MACROD2: variants seen among roughly 807,000 people sequenced by gnomAD.
MACROD2 encodes ADP-ribose glycohydrolase MACROD2.
A neutral mutation model predicts 70.4 loss-of-function variants in MACROD2; 36 were observed. That is an observed-to-expected ratio of 0.51 (90% CI 0.39 to 0.68). The LOEUF (loss-of-function observed/expected upper bound fraction) is 0.68, where lower values mean the gene tolerates loss of function less well. Ranked by LOEUF, MACROD2 falls within the 30% of genes least tolerant of loss-of-function variation. The probability of loss-of-function intolerance (pLI) is 0.00; values close to 1 mark genes in which losing one functional copy is unlikely to be tolerated. For synonymous variants in MACROD2, 172 were observed against 178.8 expected, an observed-to-expected ratio of 0.96 and a Z score of 0.30; for missense variants, 496 against 538.4, an observed-to-expected ratio of 0.92 and a Z score of 0.78.
chr20:14,423,832 G>A lies in MACROD2; in HGVS notation c.272-69647G>A, dbSNP rs186797854. Among the ~76,000 whole-genome samples, 225 of 139,528 alleles carry A rather than the reference G, an allele frequency of 1.6e-3. 2 individuals carry two copies. Among genetic ancestry groups the A allele is most frequent in the African/African-American group, 6.0e-3 (222 of 37,108 alleles). 91.5% of individuals were successfully genotyped at this position (139,528 alleles called of 152,430 possible). On this transcript the variant is annotated intron_variant, in intron 3 of 17. Coordinates refer to ENST00000684519, the MANE Select transcript of MACROD2 (RefSeq NM_001351661.2). ...GGCTGGAGTGCAATGGCGGGATCTCGGCTCACCGCAACCTTCGCCTCCTGG... is the reference window on the plus strand; with the variant it reads ...GGCTGGAGTGCAATGGCGGGATCTCAGCTCACCGCAACCTTCGCCTCCTGG...
At chr20:14,266,585 G>A (rs1357150203) in intron 3 of MACROD2, among the ~76,000 whole-genome samples, 2 of 151,884 alleles carry the variant, frequency 1.3e-5, no homozygotes, top group East Asian at 1.9e-4. Context: ...TAAAAAAATA[G>A]CATATGTCCC....
At chr20:15,088,896 A>G (rs2075772984) in intron 5 of MACROD2, among the ~76,000 whole-genome samples, 1 of 151,984 alleles carries the variant, frequency 6.6e-6, no homozygotes, top group South Asian at 2.1e-4. Flanking sequence ...TTTTTCTTGT[A>G]CATATTTCTG....
intron 15 of MACROD2, among the ~76,000 whole-genome samples, chr20:16,011,561 G>T (rs1043533794): frequency 6.6e-6 from 1 of 152,248 alleles, no homozygotes; most frequent in Admixed American, 6.5e-5. Flanking sequence ...GGAAATGCCT[G>T]TGTGAGAGGA....
At chr20:15,058,507 A>G (rs1031599141) in intron 5 of MACROD2, among the ~76,000 whole-genome samples, 1 of 152,214 alleles carries the variant, frequency 6.6e-6, no homozygotes, top group African/African-American at 2.4e-5. Flanking sequence ...CTAAAAAATT[A>G]TTTGTTGTTT....
At chr20:14,644,060 G>C (rs1752809701) in intron 4 of MACROD2, among the ~76,000 whole-genome samples, 1 of 152,112 alleles carries the variant, frequency 6.6e-6, no homozygotes, top group South Asian at 2.1e-4. Flanking sequence ...ATAAATTGTA[G>C]CATTAATAAA....
At chr20:15,906,600 A>C (rs113685527) in intron 10 of MACROD2, among the ~76,000 whole-genome samples, 3 of 152,078 alleles carry the variant, frequency 2.0e-5, no homozygotes, top group South Asian at 2.1e-4. Flanking sequence ...CTTGTAACAA[A>C]AAAAAAAAAC....
chr20:14,317,203 G>A (rs916266613), intron 3 of MACROD2, among the ~76,000 whole-genome samples: 2 of 152,018 alleles, frequency 1.3e-5, no homozygotes, highest in African/African-American at 4.8e-5. Context: ...CGGGTCTTAG[G>A]CTTTCTCTTA....
At chr20:15,881,801 T>C (rs1397737031) in intron 9 of MACROD2, among the ~76,000 whole-genome samples, 1 of 152,130 alleles carries the variant, frequency 6.6e-6, no homozygotes, top group African/African-American at 2.4e-5. Flanking sequence ...ACTAAATTCC[T>C]TCCAAAGTTG....
intron 5 of MACROD2, among the ~76,000 whole-genome samples, chr20:14,910,749 G>C (rs930949890): frequency 2.0e-5 from 3 of 152,112 alleles, no homozygotes; most frequent in African/African-American, 7.2e-5. Flanking sequence ...TATCCCGCTA[G>C]CCTTTCCTTT....
At chr20:15,358,345 T>C (rs779841718) in intron 6 of MACROD2, among the ~76,000 whole-genome samples, 5 of 152,174 alleles carry the variant, frequency 3.3e-5, no homozygotes, top group Admixed American at 6.5e-5. Flanking sequence ...GGGGCTTAAG[T>C]GATTAGTAAA....
intron 3 of MACROD2, among the ~76,000 whole-genome samples, chr20:14,140,452 G>T (rs557361220): frequency 2.0e-5 from 3 of 152,250 alleles, no homozygotes; most frequent in East Asian, 1.9e-4. Context: ...TTGATTCTGA[G>T]CATAGCATTT....
intron 3 of MACROD2, among the ~76,000 whole-genome samples, chr20:14,317,486 T>C (rs2082622980): frequency 6.6e-6 from 1 of 151,788 alleles, no homozygotes; most frequent in Admixed American, 6.6e-5. Context: ...GGTGGTGGCA[T>C]GCACCTGTAG....
chr20:15,947,124 C>G (rs1291386407), intron 12 of MACROD2, among the ~76,000 whole-genome samples: 3 of 152,196 alleles, frequency 2.0e-5, no homozygotes, highest in Admixed American at 6.5e-5. Flanking sequence ...AACAAATGTA[C>G]AATCGGGTTT....
At chr20:14,446,034 GT>G (rs2084178292) in intron 3 of MACROD2, among the ~76,000 whole-genome samples, 3 of 152,068 alleles carry the variant, frequency 2.0e-5, no homozygotes, top group South Asian at 2.1e-4. Flanking sequence ...CCAGAATTTG[GT>G]CATACCTGAA....
At chr20:15,461,693 A>G (rs1208567257) in intron 7 of MACROD2, among the ~76,000 whole-genome samples, 1 of 152,182 alleles carries the variant, frequency 6.6e-6, no homozygotes, top group African/African-American at 2.4e-5. Context: ...AAAACTTCTC[A>G]TTGTCGACAT....
intron 5 of MACROD2, among the ~76,000 whole-genome samples, chr20:14,992,811 C>A (rs1250897860): frequency 2.7e-5 from 4 of 150,340 alleles, no homozygotes; most frequent in African/African-American, 1.0e-4. Context: ...TTTTAAAAAT[C>A]AGATTTGAAA....
chr20:15,194,947 T>C (rs1270302697), intron 5 of MACROD2, among the ~76,000 whole-genome samples: 1 of 152,140 alleles, frequency 6.6e-6, no homozygotes, highest in Non-Finnish European at 1.5e-5. Flanking sequence ...GTTTTAACTT[T>C]TGTGGTATTA....
chr20:14,230,022 T>A (rs2081786375), intron 3 of MACROD2, among the ~76,000 whole-genome samples: 1 of 152,206 alleles, frequency 6.6e-6, no homozygotes, highest in Admixed American at 6.5e-5. Context: ...TCTAAAAACA[T>A]GTACATACCT....
chr20:14,397,526 A>G (rs2083593579), intron 3 of MACROD2, among the ~76,000 whole-genome samples: 1 of 152,160 alleles, frequency 6.6e-6, no homozygotes, highest in Non-Finnish European at 1.5e-5. Flanking sequence ...TTTTTGTCAC[A>G]CTATTATCTT....
Sources: gnomAD v4.1 joint callset for allele counts (sites outside exome capture counted in the v4.1 genomes callset) on GRCh38, gnomAD v4.1.1 for gene constraint, MANE v1.5 for transcripts, NCBI Gene and HGNC (gene_info 2026-07-23, HGNC 2026-07-21) for gene names.